The following RANBP2 variants were observed in gnomAD, a reference collection of about 807,000 sequenced individuals.
RANBP2 encodes the protein RAN binding protein 2, also known as E3 SUMO-protein ligase RanBP2.
A neutral mutation model predicts 303.6 loss-of-function variants in RANBP2; 57 were observed. That is an observed-to-expected ratio of 0.19 (90% CI 0.15 to 0.23). The LOEUF (loss-of-function observed/expected upper bound fraction) is 0.23, where lower values mean the gene tolerates loss of function less well. Ranked by LOEUF, RANBP2 falls within the 10% of genes least tolerant of loss-of-function variation. The pLI, the probability that RANBP2 is intolerant of heterozygous loss-of-function variation, is 1.00. For synonymous variants in RANBP2, 1,167 were observed against 1,301.5 expected (o/e 0.90, Z 2.23); for missense variants, 3,138 against 3,780.8 (o/e 0.83, Z 4.46).
the RANBP2 span, among the ~76,000 whole-genome samples, chr2:109,117,632 C>T: frequency 6.6e-6 from 1 of 152,236 alleles, no homozygotes; most frequent in Non-Finnish European, 1.5e-5. Flanking sequence ...GCACGGTGCG[C>T]TGCACGCACT....
chr2:109,238,888 C>CCAAGGGAGGAT, the RANBP2 span, among the ~76,000 whole-genome samples: 1 of 152,176 alleles, frequency 6.6e-6, no homozygotes, highest in African/African-American at 2.4e-5. Flanking sequence ...GATACAGCTC[C>CCAAGGGAGGAT]ACTGTGGTCA....
chr2:109,517,824 A>G, the RANBP2 span, among the ~76,000 whole-genome samples: 1 of 152,220 alleles, frequency 6.6e-6, no homozygotes, highest in Admixed American at 6.5e-5. Context: ...GGTGTTCCAC[A>G]AGGACAATGC....
chr2:109,149,920 C>A, the RANBP2 span, among the ~76,000 whole-genome samples: 1 of 152,162 alleles, frequency 6.6e-6, no homozygotes, highest in African/African-American at 2.4e-5. Context: ...TTTTTAATTG[C>A]AGCTGTGTTC....
chr2:109,418,516 T>C, the RANBP2 span, among the ~76,000 whole-genome samples: 32 of 152,100 alleles, frequency 2.1e-4, no homozygotes, highest in African/African-American at 7.2e-4. Flanking sequence ...GATGCATCAC[T>C]CCTGTCACTG....
chr2:108,827,726 G>A, the RANBP2 span, among the ~76,000 whole-genome samples: 1 of 151,040 alleles, frequency 6.6e-6, no homozygotes, highest in African/African-American at 2.4e-5. Context: ...TGAGGCAGGA[G>A]AATGGCATGA....
the RANBP2 span, among the ~76,000 whole-genome samples, chr2:109,133,468 G>GT: frequency 6.6e-6 from 1 of 152,086 alleles, no homozygotes; most frequent in African/African-American, 2.4e-5. Context: ...CATTTTTTGA[G>GT]TACAGAGCTG....
the RANBP2 span, chr2:109,544,519 T>C: frequency 1.0e-6 from 1 of 985,136 alleles, no homozygotes; most frequent in Non-Finnish European, 1.2e-6. Flanking sequence ...ATGGGCTTGG[T>C]CCTGATTTTG....
Position 108,730,842 on chromosome 2 carries a change from A to T in RANBP2, c.209A>T (p.Tyr70Phe). 1 of 1,611,704 alleles carries T rather than the reference A, an allele frequency of 6.2e-7. No homozygotes were observed. The highest frequency in any genetic ancestry group is 8.5e-7 in the Non-Finnish European group (1 of 1,179,676). The change falls in exon 3 of 29, where the codon TAT (tyrosine) becomes TTT (phenylalanine). Residue 70 changes from tyrosine to phenylalanine, a missense_variant. Transcript: ENST00000283195. ...GCTCACAGATTTCTGGGTCTTCTTT[A>T]TGAATTGGAAGAAAACACAGACAAA... ...PKAHRFLGLL[Y>F]ELEENTDKAV...
At chr2:109,374,694 C>G in the RANBP2 span, among the ~76,000 whole-genome samples, 28 of 152,356 alleles carry the variant, frequency 1.8e-4, no homozygotes, top group African/African-American at 5.8e-4. Context: ...TATCTTCTTT[C>G]ATGCTCACGT....
the RANBP2 span, among the ~76,000 whole-genome samples, chr2:109,070,751 C>G: frequency 6.6e-6 from 1 of 151,630 alleles, no homozygotes; most frequent in Non-Finnish European, 1.5e-5. Flanking sequence ...TCCCAGCTAC[C>G]GGGGAGGCTG....
At chr2:109,356,641 G>A in the RANBP2 span, among the ~76,000 whole-genome samples, 1 of 152,100 alleles carries the variant, frequency 6.6e-6, no homozygotes, top group Admixed American at 6.5e-5. Flanking sequence ...TGAATATATT[G>A]GTGACGTGAT....
chr2:109,270,342 CAG>C, the RANBP2 span, among the ~76,000 whole-genome samples: 1 of 152,166 alleles, frequency 6.6e-6, no homozygotes, highest in Non-Finnish European at 1.5e-5. Context: ...GATTGCCATT[CAG>C]AGTCAGAAAG....
the RANBP2 span, among the ~76,000 whole-genome samples, chr2:109,204,882 C>T: frequency 6.6e-6 from 1 of 152,110 alleles, no homozygotes; most frequent in Non-Finnish European, 1.5e-5. Flanking sequence ...TTTTGTGTTC[C>T]AGGGAAATAA....
chr2:108,764,444 A>G lies in RANBP2; in HGVS notation c.3905A>G (p.Gln1302Arg), dbSNP rs767978136. 1 of 1,614,060 alleles carries G rather than the reference A, an allele frequency of 6.2e-7. No homozygotes were observed. Among genetic ancestry groups the G allele is most frequent in the Non-Finnish European group, 8.5e-7 (1 of 1,179,982 alleles). The change falls in exon 20 of 29, where the codon CAG (glutamine) becomes CGG (arginine). Residue 1302 changes from glutamine to arginine, a missense_variant. Gln to Arg is a conservative substitution (Grantham distance 43, BLOSUM62 1). This residue lies in a region of RANBP2 where 388 missense variants were observed against 328.5 expected (regional missense o/e 1.18). Transcript: ENST00000283195. ...TTTAAATGCAAGTTTGAAGAAGCCCAGAGCATTTTAAAAGCCCCAGGAACA... is the reference window on the plus strand; with the variant it reads ...TTTAAATGCAAGTTTGAAGAAGCCCGGAGCATTTTAAAAGCCCCAGGAACA... ...ALFKCKFEEA[Q>R]SILKAPGTNV...
At chr2:109,505,893 ACAGT>A in the RANBP2 span, among the ~76,000 whole-genome samples, 1 of 152,160 alleles carries the variant, frequency 6.6e-6, no homozygotes, top group Non-Finnish European at 1.5e-5. Flanking sequence ...AATGCCCATC[ACAGT>A]CTGTCTGGAG....
chr2:109,498,606 C>T, the RANBP2 span, among the ~76,000 whole-genome samples: 1 of 152,244 alleles, frequency 6.6e-6, no homozygotes, highest in Non-Finnish European at 1.5e-5. Flanking sequence ...GCAAGCATTC[C>T]CTCCCAGAGC....
chr2:109,331,402 A>AT, the RANBP2 span, among the ~76,000 whole-genome samples: 1 of 151,948 alleles, frequency 6.6e-6, no homozygotes, highest in Non-Finnish European at 1.5e-5. Flanking sequence ...TCATGAACTG[A>AT]TTGGAGTGTG....
chr2:109,574,133 T>C, the RANBP2 span, among the ~76,000 whole-genome samples: 1 of 152,108 alleles, frequency 6.6e-6, no homozygotes, highest in Non-Finnish European at 1.5e-5. Context: ...GATGGAAATA[T>C]AAAATGTTTT....
Position 108,752,895 on chromosome 2 carries a change from G to C in RANBP2, c.1756-103G>C, listed in dbSNP as rs1280337802. On this transcript the variant is annotated intron_variant, in intron 12 of 28. Transcript: ENST00000283195. Reference sequence around the variant, plus strand: ...CAAATGACTATTGAGATACCATTTGGTTTTGACTTGAAATTTTAGCCAGTT... The same window carrying C: ...CAAATGACTATTGAGATACCATTTGCTTTTGACTTGAAATTTTAGCCAGTT... 10 of 1,603,854 alleles carry C rather than the reference G, an allele frequency of 6.2e-6. No individual in the cohort carries two copies. In the East Asian group the frequency reaches 2.2e-4, roughly 36 times the overall value.
Sources: gnomAD v4.1 joint callset for allele counts (sites outside exome capture counted in the v4.1 genomes callset) on GRCh38, gnomAD v4.1.1 for gene constraint, gnomAD v4.1.1 regional missense constraint, MANE v1.5 for transcripts, NCBI Gene and HGNC (gene_info 2026-07-23, HGNC 2026-07-21) for gene names.